FBXW12: variants seen among roughly 807,000 people sequenced by gnomAD.
FBXW12 encodes F-box/WD repeat-containing protein 12.
Under a neutral mutation model 55.3 loss-of-function variants are expected in FBXW12, and 43 were observed. The observed-to-expected ratio is 0.78, with a 90% CI of 0.61 to 1.00. FBXW12 has a LOEUF of 1.00. Ranked by LOEUF, FBXW12 falls within the 50% of genes least tolerant of loss-of-function variation. The pLI is 0.00. For synonymous variants in FBXW12, 184 were observed against 203.8 expected (o/e 0.90, Z 0.83); for missense variants, 524 against 560.5 (o/e 0.93, Z 0.66).
intron 5 of FBXW12, among the ~76,000 whole-genome samples, chr3:48,376,075 G>A (rs1218124930): frequency 1.5e-5 from 2 of 131,148 alleles, no homozygotes; most frequent in African/African-American, 5.8e-5. Context: ...TCCGCCTCCC[G>A]AGTTCAAGCG....
rs367717714 is a variant in FBXW12 at position 48,380,832 on chromosome 3, A to C, written c.905A>C (p.Gln302Pro). ...KVKNRITLMS[Q>P]SSTGKKTEFI... ...AAAAACAGGATAACACTGATGTCCC[A>C]AAGTAGCACTGGAAAAAAGACAGAA... The change falls in exon 8 of 11, where the codon CAA becomes CCA. Residue 302 changes from glutamine (Q) to proline (P), a missense_variant. Coordinates refer to ENST00000296438, the MANE Select transcript of FBXW12 (RefSeq NM_207102.2). 2.2e-5 allele frequency: 36 copies of C among 1,614,058 alleles called. No homozygotes were observed. Among genetic ancestry groups the C allele is most frequent in the Middle Eastern group, 3.3e-4 (2 of 6,084 alleles).
chr3:48,373,741 C>A, intron 4 of FBXW12, 36 bp downstream of exon 4: 1 of 1,578,910 alleles, frequency 6.3e-7, no homozygotes, highest in Non-Finnish European at 8.7e-7. Context: ...ACATGAGCAG[C>A]TTGTTTTCAG....
At chr3:48,393,284 T>C (rs6810060) in intron 10 of FBXW12, among the ~76,000 whole-genome samples, 67,450 of 151,832 alleles carry the variant, frequency 0.44, 14,954 homozygotes, top group African/African-American at 0.47. Context: ...AAGTGAGCCA[T>C]CACACCTGGC....
intron 6 of FBXW12, 148 bp from the exon 7 acceptor site, chr3:48,379,252 G>A: frequency 1.3e-6 from 1 of 743,810 alleles, no homozygotes; most frequent in South Asian, 1.7e-5. Context: ...TCCCAACAGT[G>A]TCTCAAGCTA....
At chr3:48,387,710 G>T (rs1001406681) in intron 10 of FBXW12, among the ~76,000 whole-genome samples, 5 of 152,044 alleles carry the variant, frequency 3.3e-5, no homozygotes, top group African/African-American at 1.2e-4. Flanking sequence ...CACCATGCCA[G>T]ACTATTTTTT....
chr3:48,389,875 TATGGTGAAAAGTAGGGGTCC>T (rs1045608069), intron 10 of FBXW12, among the ~76,000 whole-genome samples: 3 of 152,188 alleles, frequency 2.0e-5, no homozygotes, highest in Non-Finnish European at 4.4e-5. Flanking sequence ...AATTTTGGTG[TATGGTGAAAAGTAGGGGTCC>T]ACTTTCACTC....
chr3:48,378,199 C>T (rs7653691), intron 5 of FBXW12, 118 bp from the exon 6 acceptor site: 427,398 of 756,018 alleles, frequency 0.57, 121,587 homozygotes, highest in South Asian at 0.66. Flanking sequence ...TTCATATCCT[C>T]TGCCCAGAAG....
intron 10 of FBXW12, among the ~76,000 whole-genome samples, chr3:48,392,631 G>A (rs1254417314): frequency 6.6e-6 from 1 of 152,060 alleles, no homozygotes; most frequent in Non-Finnish European, 1.5e-5. Flanking sequence ...TTTGTTGTTT[G>A]TTTATAACAT....
Position 48,381,753 on chromosome 3 carries a change from A to G in FBXW12, c.1039A>G (p.Met347Val), listed in dbSNP as rs371660288. Residue 347 changes from methionine (M) to valine (V), a missense_variant, in exon 9 of 11, where the codon ATG becomes GTG. Met to Val is a conservative substitution (Grantham distance 21, BLOSUM62 1). Coordinates refer to ENST00000296438, the MANE Select transcript of FBXW12 (RefSeq NM_207102.2). ...AGCTCATCTGAAGTGCCCTATCTGG[A>G]TGGGAGCCAGTGATGGATATATGAT... The part of the protein sequence containing the change: ...VAAHLKCPIW[M>V]GASDGYMIVF... 1.2e-6 allele frequency: 2 copies of G among 1,610,370 alleles called. No homozygotes were observed. The highest frequency in any genetic ancestry group is 2.2e-5 in the East Asian group (1 of 44,764).
Position 48,379,499 on chromosome 3 carries a change from T to G in FBXW12, c.715T>G (p.Cys239Gly), listed in dbSNP as rs779380991. ...TCAATATGGTATTGTACTTCTACAC[T>G]GCTCTCCTGACAAGAAATGGGTATT... ...AFQYGIVLLH[C>G]SPDKKWVFAC... The change falls in exon 7 of 11, where the codon TGC becomes GGC. Residue 239 changes from cysteine to glycine, a missense_variant. By Grantham distance (159) the Cys-to-Gly change is radical. Transcript: ENST00000296438. The G allele has an allele frequency of 3.4e-5, 55 of 1,614,020 alleles. No homozygotes were observed. Among genetic ancestry groups the G allele is most frequent in the Non-Finnish European group, 4.6e-5 (54 of 1,179,950 alleles).
At chr3:48,389,350 T>C (rs553646131) in intron 10 of FBXW12, among the ~76,000 whole-genome samples, 3 of 152,330 alleles carry the variant, frequency 2.0e-5, no homozygotes, top group East Asian at 3.9e-4. Context: ...ACTCTGTTGA[T>C]AGTTTCTTTT....
intron 10 of FBXW12, among the ~76,000 whole-genome samples, chr3:48,387,166 A>G (rs2036858439): frequency 1.3e-5 from 2 of 152,126 alleles, no homozygotes; most frequent in Admixed American, 1.3e-4. Context: ...GTTATAGTAC[A>G]ACTCAGATTA....
intron 10 of FBXW12, among the ~76,000 whole-genome samples, chr3:48,393,960 G>A (rs2036968488): frequency 6.6e-6 from 1 of 150,550 alleles, no homozygotes; most frequent in Non-Finnish European, 1.5e-5. Context: ...TGTATTTTTA[G>A]TAGAGACGAG....
chr3:48,384,446 C>T (rs2036817526), intron 10 of FBXW12, among the ~76,000 whole-genome samples: 1 of 152,108 alleles, frequency 6.6e-6, no homozygotes, highest in Non-Finnish European at 1.5e-5. Context: ...TTGGTAGATA[C>T]TTTGTGCTTT....
chr3:48,391,067 C>T (rs1028022258), intron 10 of FBXW12, among the ~76,000 whole-genome samples: 2 of 133,970 alleles, frequency 1.5e-5, no homozygotes, highest in African/African-American at 5.7e-5. Context: ...CCCAGGAGTT[C>T]GAGACAAGCC....
At chr3:48,385,302 A>C (rs1181513776) in intron 10 of FBXW12, among the ~76,000 whole-genome samples, 1 of 152,026 alleles carries the variant, frequency 6.6e-6, no homozygotes, top group Admixed American at 6.6e-5. Flanking sequence ...GCACGTGACA[A>C]GATTCCCTTC....
chr3:48,378,226 G>A, intron 5 of FBXW12, 91 bp from the exon 6 acceptor site: 1 of 962,512 alleles, frequency 1.0e-6, no homozygotes, highest in Non-Finnish European at 1.6e-6. Context: ...GATCTGATTT[G>A]GAAGAGGCTT....
rs540572844 is a variant in FBXW12, at chr3:48,383,005, C to G, written c.1295+920C>G. 5.9e-5 allele frequency among the ~76,000 whole-genome samples: 9 copies of G among 152,306 alleles called. No homozygotes were observed. The South Asian group carries it at 1.7e-3, about 28-fold the overall frequency. ...AAGAGCTGGAAGCTCCCTAAGTGTC[C>G]AAACATAAGAGATTGTTTAAATTAC... On this transcript the variant is annotated intron_variant, in intron 10 of 10. Coordinates refer to ENST00000296438, the MANE Select transcript of FBXW12 (RefSeq NM_207102.2).
At chr3:48,391,433 T>TA (rs2036927783) in intron 10 of FBXW12, among the ~76,000 whole-genome samples, 2 of 152,114 alleles carry the variant, frequency 1.3e-5, no homozygotes, top group African/African-American at 4.8e-5. Context: ...TTGGATGCCC[T>TA]TTATTTCTTT....
Sources: gnomAD v4.1 joint callset for allele counts (sites outside exome capture counted in the v4.1 genomes callset) on GRCh38, gnomAD v4.1.1 for gene constraint, MANE v1.5 for transcripts, NCBI Gene and HGNC (gene_info 2026-07-23, HGNC 2026-07-21) for gene names.